GPC6: variants seen among roughly 807,000 people sequenced by gnomAD.
The protein encoded by GPC6 is glypican-6.
Under a neutral mutation model 55.2 loss-of-function variants are expected in GPC6, and 14 were observed. That is an observed-to-expected ratio of 0.25 (90% confidence interval 0.17 to 0.40). The LOEUF (loss-of-function observed/expected upper bound fraction) is 0.40. Ranked by LOEUF, GPC6 falls within the 10% of genes least tolerant of loss-of-function variation. GPC6 has a pLI of 1.00. For missense variants in GPC6, 641 were observed against 708.5 expected, an observed-to-expected ratio of 0.90 and a Z score of 1.08; for synonymous variants, 278 against 259.6, an observed-to-expected ratio of 1.07 and a Z score of -0.68.
At chr13:94,024,793 T>C (rs1882831109) in intron 3 of GPC6, among the ~76,000 whole-genome samples, 1 of 152,130 alleles carries the variant, frequency 6.6e-6, no homozygotes, top group East Asian at 1.9e-4. Context: ...ATGCAATCAA[T>C]AGCCTTTGAA....
intron 3 of GPC6, among the ~76,000 whole-genome samples, chr13:93,987,071 C>T (rs1412893055): frequency 6.6e-6 from 1 of 152,096 alleles, no homozygotes; most frequent in East Asian, 1.9e-4. Flanking sequence ...ACTTAACCTT[C>T]AGTTTTTTTC....
At chr13:93,701,721 G>A (rs1042548265) in intron 2 of GPC6, among the ~76,000 whole-genome samples, 1 of 152,000 alleles carries the variant, frequency 6.6e-6, no homozygotes, top group African/African-American at 2.4e-5. Context: ...CATCTCAACA[G>A]TGTTCACAGC....
chr13:94,175,235 A>C (rs1299703936), intron 4 of GPC6, among the ~76,000 whole-genome samples: 1 of 152,180 alleles, frequency 6.6e-6, no homozygotes, highest in Non-Finnish European at 1.5e-5. Context: ...ATAAAGGGTC[A>C]GGTGGTAAAT....
intron 4 of GPC6, among the ~76,000 whole-genome samples, chr13:94,143,846 A>G (rs548123705): frequency 6.6e-6 from 1 of 152,236 alleles, no homozygotes; most frequent in East Asian, 1.9e-4. Context: ...AGCCATGATC[A>G]CTCCACTACA....
At chr13:93,265,165 G>A (rs1294886898) in intron 1 of GPC6, among the ~76,000 whole-genome samples, 4 of 152,148 alleles carry the variant, frequency 2.6e-5, no homozygotes, top group African/African-American at 4.8e-5. Flanking sequence ...ATTATAGTAA[G>A]ATATATGGTT....
chr13:94,214,426 T>C (rs933815519), intron 4 of GPC6, among the ~76,000 whole-genome samples: 1 of 152,240 alleles, frequency 6.6e-6, no homozygotes, highest in Non-Finnish European at 1.5e-5. Context: ...ATCAACAAAT[T>C]GAATTTTTTA....
chr13:93,686,949 C>T (rs1252339064), intron 2 of GPC6, among the ~76,000 whole-genome samples: 1 of 151,924 alleles, frequency 6.6e-6, no homozygotes, highest in Admixed American at 6.6e-5. Flanking sequence ...AGCATATTAT[C>T]CCATTGCCGA....
intron 4 of GPC6, among the ~76,000 whole-genome samples, chr13:94,143,714 C>T (rs751009488): frequency 6.6e-6 from 1 of 151,910 alleles, no homozygotes; most frequent in Non-Finnish European, 1.5e-5. Flanking sequence ...ATGGCAAAAC[C>T]CCATCTTTAC....
At chr13:94,033,245 C>T (rs1482304054) in intron 4 of GPC6, among the ~76,000 whole-genome samples, 1 of 152,156 alleles carries the variant, frequency 6.6e-6, no homozygotes, top group Non-Finnish European at 1.5e-5. Flanking sequence ...ATGGCAGAAA[C>T]AAATCAGATA....
intron 6 of GPC6, among the ~76,000 whole-genome samples, chr13:94,319,670 G>A (rs1314104288): frequency 4.6e-5 from 7 of 152,104 alleles, no homozygotes; most frequent in Admixed American, 2.6e-4. Flanking sequence ...GTAATTCTAG[G>A]TCAACAGTTA....
intron 4 of GPC6, among the ~76,000 whole-genome samples, chr13:94,176,658 A>T (rs753981619): frequency 9.2e-5 from 14 of 152,232 alleles, no homozygotes; most frequent in Non-Finnish European, 4.4e-5. Flanking sequence ...TGTGCTACAC[A>T]TTCTCTCTTT....
chr13:93,850,018 T>C (rs923768442), intron 3 of GPC6, among the ~76,000 whole-genome samples: 7 of 152,240 alleles, frequency 4.6e-5, no homozygotes, highest in African/African-American at 1.4e-4. Flanking sequence ...CTGAGAGGTC[T>C]TAATCATTCA....
At chr13:94,137,317 A>G (rs1287109971) in intron 4 of GPC6, among the ~76,000 whole-genome samples, 1 of 152,174 alleles carries the variant, frequency 6.6e-6, no homozygotes, top group African/African-American at 2.4e-5. Flanking sequence ...TGTGGAGACA[A>G]TCTATTATTG....
At chr13:94,362,387 T>TA (rs1478282264) in intron 6 of GPC6, among the ~76,000 whole-genome samples, 34 of 152,330 alleles carry the variant, frequency 2.2e-4, no homozygotes, top group African/African-American at 6.5e-4. Context: ...ACTATGGCCT[T>TA]AACATTTTGT....
At chr13:94,067,478 G>GTC (rs5805845) in intron 4 of GPC6, among the ~76,000 whole-genome samples, 304 of 144,828 alleles carry the variant, frequency 2.1e-3, no homozygotes, top group East Asian at 0.01. Context: ...CTGTCTGTCT[G>GTC]TCTCTCTCTC....
intron 1 of GPC6, among the ~76,000 whole-genome samples, chr13:93,251,030 A>G (rs1483164929): frequency 6.6e-6 from 1 of 152,142 alleles, no homozygotes; most frequent in African/African-American, 2.4e-5. Flanking sequence ...AAACCATCAG[A>G]TCTCGTGAGA....
intron 2 of GPC6, among the ~76,000 whole-genome samples, chr13:93,626,589 G>C (rs1879208713): frequency 6.6e-6 from 1 of 152,092 alleles, no homozygotes; most frequent in African/African-American, 2.4e-5. Context: ...ATCACCTGAG[G>C]TCAGGAGTTC....
chr13:93,408,754 A>G (rs1372748206), intron 1 of GPC6, among the ~76,000 whole-genome samples: 1 of 152,064 alleles, frequency 6.6e-6, no homozygotes, highest in Admixed American at 6.6e-5. Flanking sequence ...AGTGTAAGAG[A>G]GGGAGTAAGT....
intron 2 of GPC6, among the ~76,000 whole-genome samples, chr13:93,714,333 T>G (rs1327946492): frequency 6.6e-6 from 1 of 151,564 alleles, no homozygotes; most frequent in African/African-American, 2.4e-5. Context: ...TATGAAAAAA[T>G]GCCCATCATC....
Sources: allele counts gnomAD v4.1 joint callset (sites outside exome capture counted in the v4.1 genomes callset), GRCh38; gene constraint gnomAD v4.1.1; transcripts MANE v1.5; gene names NCBI Gene and HGNC (gene_info 2026-07-23, HGNC 2026-07-21).